The following UBR4 variants were observed in gnomAD, a reference collection of about 807,000 sequenced individuals.
UBR4 encodes the protein E3 ubiquitin-protein ligase UBR4.
A neutral mutation model predicts 575.6 loss-of-function variants in UBR4; 124 were observed. The observed-to-expected ratio is 0.22, with a 90% CI of 0.19 to 0.25. The LOEUF (loss-of-function observed/expected upper bound fraction) is 0.25, where lower values mean the gene tolerates loss of function less well. Ranked by LOEUF, UBR4 falls within the 10% of genes least tolerant of loss-of-function variation. The pLI is 1.00. For synonymous variants in UBR4, 2,455 were observed against 2,473.7 expected (o/e 0.99, Z 0.22); for missense variants, 4,818 against 6,478.8 (o/e 0.74, Z 8.80).
rs1314032161 is a variant in UBR4 at position 19,076,807 on chromosome 1, T to G, written c.15420A>C (p.Lys5140Asn). 6.2e-7 allele frequency: 1 copy of G among 1,613,680 alleles called. No individual in the cohort carries two copies. Among genetic ancestry groups the G allele is most frequent in the Non-Finnish European group, 8.5e-7 (1 of 1,179,918 alleles). ...NDMPIYEAAD[K>N]ALKTFQEEFM... is the part of the protein sequence containing the mutation. ...ACTCCTCCTGGAAGGTTTTCAGGGC[T>G]TTGTCGGCAGCTTCGTAGATGGGCA... Residue 5140 changes from lysine to asparagine, a missense_variant, in exon 105 of 106, where the codon AAA becomes AAC. Physicochemically the swap from Lys to Asn is moderately conservative, Grantham distance 94. This residue lies in a region of UBR4 where 212 missense variants were observed against 221.3 expected (regional missense o/e 0.96). Coordinates refer to ENST00000375254, the MANE Select transcript of UBR4 (RefSeq NM_020765.3).
chr1:19,165,583 T>C, intron 30 of UBR4, 73 bp downstream of exon 30: 1 of 1,472,994 alleles, frequency 6.8e-7, no homozygotes. Flanking sequence ...AGTACCTAAA[T>C]CAACATATAT....
At chr1:19,155,345 A>T in intron 43 of UBR4, 96 bp downstream of exon 43, 1 of 1,311,512 alleles carries the variant, frequency 7.6e-7, no homozygotes, top group Non-Finnish European at 1.1e-6. Context: ...GATGAAGTCC[A>T]CAGAAAAATG....
At position 19,105,728 on chromosome 1, in the gene UBR4, G is replaced by T. The variant is rs182193550; in HGVS notation, c.12503+5C>A. The stretch of plus-strand genomic sequence containing the variant: ...CACGCTCCTCATCCCACTCCCAAAT[G>T]GTACCTGGTAAGCAGGTCCAGGACC... On this transcript the variant is annotated splice_donor_5th_base_variant and intron_variant, in intron 84 of 105. Coordinates refer to ENST00000375254, the MANE Select transcript of UBR4 (RefSeq NM_020765.3). 1.3e-6 allele frequency: 2 copies of T among 1,577,426 alleles called. No homozygotes were observed. Among genetic ancestry groups the T allele is most frequent in the South Asian group, 2.4e-5 (2 of 84,888 alleles).
Position 19,170,858 on chromosome 1 carries a change from C to T in UBR4, c.3547G>A (p.Glu1183Lys). The stretch of plus-strand genomic sequence containing the variant: ...GAAGGTTTCTCAGTTGTTCCCTCTT[C>T]ATTAAAGTTTTGCAGCAAATAGGCT... ...TRAYLLQNFN[E>K]EGTTEKPSKE... is the part of the protein sequence containing the mutation. The change falls in exon 26 of 106, where the codon GAA (glutamate) becomes AAA (lysine). Residue 1183 changes from glutamate to lysine, a missense_variant. Glu to Lys is a moderately conservative substitution (Grantham distance 56, BLOSUM62 1). This residue lies in a region of UBR4 where 1,172 missense variants were observed against 1,259.7 expected (regional missense o/e 0.93). Transcript: ENST00000375254. 1 of 1,614,140 alleles carries T rather than the reference C, an allele frequency of 6.2e-7. No individual in the cohort carries two copies. The highest frequency in any genetic ancestry group is 8.5e-7 in the Non-Finnish European group (1 of 1,180,020).
intron 20 of UBR4, among the ~76,000 whole-genome samples, chr1:19,175,647 C>T (rs1298803617): frequency 6.6e-6 from 1 of 152,032 alleles, no homozygotes; most frequent in African/African-American, 2.4e-5. Context: ...ATCACCAAGA[C>T]CCAAAAGGAA....
intron 48 of UBR4, chr1:19,151,064 T>C (rs2085621997): frequency 3.9e-6 from 2 of 509,740 alleles, no homozygotes; most frequent in South Asian, 2.2e-5. Flanking sequence ...CTTCAGAGTA[T>C]TGTATCCCCT....
intron 104 of UBR4, 82 bp downstream of exon 104, chr1:19,077,894 G>A (rs1203664005): frequency 6.2e-7 from 1 of 1,608,598 alleles, no homozygotes; most frequent in Non-Finnish European, 8.5e-7. Context: ...AGCCATGTGG[G>A]TGCTGAGGCA....
intron 70 of UBR4, 59 bp downstream of exon 70, chr1:19,119,498 C>T (rs1014162493): frequency 1.1e-5 from 17 of 1,578,992 alleles, no homozygotes; most frequent in Admixed American, 8.8e-5. Flanking sequence ...ATTCTTAACT[C>T]AAGAGAAAAA....
chr1:19,141,920 T>C, intron 55 of UBR4, 143 bp from the exon 56 acceptor site: 1 of 1,165,352 alleles, frequency 8.6e-7, no homozygotes, highest in Non-Finnish European at 1.2e-6. Flanking sequence ...CGGGGTGCTA[T>C]GCCTGGCCTT....
chr1:19,201,741 T>C lies in UBR4; in HGVS notation c.251A>G (p.Tyr84Cys), dbSNP rs1251646904. 1.9e-6 allele frequency: 3 copies of C among 1,614,070 alleles called. No individual in the cohort carries two copies. Among genetic ancestry groups the C allele is most frequent in the Non-Finnish European group, 2.5e-6 (3 of 1,179,928 alleles). ...YSSFVALSTH[Y>C]ITTVCSLIPR... is the part of the protein sequence containing the mutation. ...ACTGAGACTGCAAACTGTTGTAATA[T>C]AGTGTGTGGAAAGTGCAACAAAAGA... Residue 84 changes from tyrosine (Y) to cysteine (C), a missense_variant, in exon 2 of 106, where the codon TAT becomes TGT. Physicochemically the swap from Tyr to Cys is radical, Grantham distance 194. This residue lies in a region of UBR4 where 85 missense variants were observed against 134.2 expected (regional missense o/e 0.63). Coordinates refer to ENST00000375254, the MANE Select transcript of UBR4 (RefSeq NM_020765.3).
chr1:19,146,107 C>G (rs750920253), intron 52 of UBR4, 174 bp from the exon 53 acceptor site: 12 of 1,547,548 alleles, frequency 7.8e-6, no homozygotes, highest in Non-Finnish European at 1.0e-5. Flanking sequence ...AAAAAACAGT[C>G]TGGGAAAGGA....
At chr1:19,131,346 CAT>C (rs1014694972) in intron 60 of UBR4, among the ~76,000 whole-genome samples, 2 of 149,354 alleles carry the variant, frequency 1.3e-5, no homozygotes, top group African/African-American at 4.9e-5. Flanking sequence ...TAAAATAATT[CAT>C]GTTTCAACCA....
chr1:19,092,482 G>A (rs1475360392), intron 97 of UBR4, among the ~76,000 whole-genome samples: 1 of 151,500 alleles, frequency 6.6e-6, no homozygotes, highest in African/African-American at 2.5e-5. Context: ...GGGTTCAGCT[G>A]CTTGAGGCAG....
At chr1:19,120,895 A>C (rs1323880547) in intron 68 of UBR4, among the ~76,000 whole-genome samples, 3 of 152,186 alleles carry the variant, frequency 2.0e-5, no homozygotes, top group African/African-American at 7.2e-5. Flanking sequence ...CTCTGATGGG[A>C]GCTCCATAGA....
rs1179790480 is a variant in UBR4, at chr1:19,104,611, T to C, written c.12701A>G (p.Gln4234Arg). Residue 4234 changes from glutamine (Q) to arginine (R), a missense_variant, in exon 86 of 106, where the codon CAG (glutamine) becomes CGG (arginine). By Grantham distance (43) the Gln-to-Arg change is conservative. Coordinates refer to ENST00000375254, the MANE Select transcript of UBR4 (RefSeq NM_020765.3). ...EEATLSTDLQ[Q>R]GYALKSLTGL... ...TGTGAGACTTTTAAGGGCATAACCC[T>C]GCTGCAGATCGGTACTCAGGGTAGC... 2 of 1,614,018 alleles carry C rather than the reference T, an allele frequency of 1.2e-6. No homozygotes were observed. Among genetic ancestry groups the C allele is most frequent in the Non-Finnish European group, 1.7e-6 (2 of 1,180,016 alleles).
In UBR4 at chr1:19,197,208, C is replaced by T. The variant is rs756671967; in HGVS notation, c.951G>A (p.Val317=). ...GACGAGAAGGATTGAGAGGTTCCAA[C>T]ACAGGTAGAGAAAGGGTATCCAATG... ...TMALDTLSLP[V]LEPLNPSRLQ... Residue 317 remains valine, a synonymous_variant, in exon 8 of 106, where the codon GTG becomes GTA. Coordinates refer to ENST00000375254, the MANE Select transcript of UBR4 (RefSeq NM_020765.3). The T allele has an allele frequency of 1.2e-6, 2 of 1,614,164 alleles. No homozygotes were observed. Among genetic ancestry groups the T allele is most frequent in the South Asian group, 2.2e-5 (2 of 91,082 alleles).
At chr1:19,205,816 C>A (rs2151816142) in intron 1 of UBR4, among the ~76,000 whole-genome samples, 1 of 152,184 alleles carries the variant, frequency 6.6e-6, no homozygotes, top group Admixed American at 6.5e-5. Context: ...GTGTCTTTGC[C>A]CTAAATTCTA....
intron 37 of UBR4, 96 bp downstream of exon 37, chr1:19,161,493 A>C: frequency 6.8e-7 from 1 of 1,471,418 alleles, no homozygotes; most frequent in Non-Finnish European, 9.2e-7. Context: ...TCCTAGACTC[A>C]GGTATCCTGG....
intron 1 of UBR4, among the ~76,000 whole-genome samples, chr1:19,203,492 T>A (rs1347357447): frequency 1.4e-5 from 2 of 138,720 alleles, no homozygotes; most frequent in Non-Finnish European, 1.5e-5. Context: ...AGAGTAAGAC[T>A]CCAACTCAAA....
Sources: gnomAD v4.1 joint callset for allele counts (sites outside exome capture counted in the v4.1 genomes callset) on GRCh38, gnomAD v4.1.1 for gene constraint, gnomAD v4.1.1 regional missense constraint, MANE v1.5 for transcripts, NCBI Gene and HGNC (gene_info 2026-07-23, HGNC 2026-07-21) for gene names.